ADAMTS12: variants seen among roughly 807,000 people sequenced by gnomAD.
The protein encoded by ADAMTS12 is ADAM metallopeptidase with thrombospondin type 1 motif 12.
Under a neutral mutation model 167.8 loss-of-function variants are expected in ADAMTS12, and 118 were observed. That is an observed-to-expected ratio of 0.70 (90% CI 0.61 to 0.82). The LOEUF (loss-of-function observed/expected upper bound fraction) is 0.82, where lower values mean the gene tolerates loss of function less well. ADAMTS12 is among the 40% of genes least tolerant of loss of function. The pLI, the probability that ADAMTS12 is intolerant of heterozygous loss-of-function variation, is 0.00. For synonymous variants in ADAMTS12, 704 were observed against 716.9 expected (o/e 0.98, Z 0.29); for missense variants, 1,916 against 1,998.8 (o/e 0.96, Z 0.79).
At chr5:33,531,928 G>T (rs1239468885) in intron 23 of ADAMTS12, among the ~76,000 whole-genome samples, 1 of 152,160 alleles carries the variant, frequency 6.6e-6, no homozygotes, top group Non-Finnish European at 1.5e-5. Flanking sequence ...ACTATATTTA[G>T]CAACTCATTT....
At chr5:33,637,369 A>G (rs1186463092) in intron 12 of ADAMTS12, among the ~76,000 whole-genome samples, 1 of 152,220 alleles carries the variant, frequency 6.6e-6, no homozygotes, top group African/African-American at 2.4e-5. Flanking sequence ...ATCTCCCACA[A>G]AGCTCAGACA....
chr5:33,575,494 A>C (rs1295303277), intron 19 of ADAMTS12, among the ~76,000 whole-genome samples: 2 of 152,206 alleles, frequency 1.3e-5, no homozygotes, highest in Non-Finnish European at 2.9e-5. Flanking sequence ...CAGGCTTCCT[A>C]GCTTAGTTCA....
rs772283948 is a variant in ADAMTS12, at chr5:33,576,966, C to G, written c.3060G>C (p.Lys1020Asn). The change falls in exon 19 of 24, where the codon AAG (lysine) becomes AAC (asparagine). Residue 1020 changes from lysine (K) to asparagine (N), a missense_variant. Coordinates refer to ENST00000504830, the MANE Select transcript of ADAMTS12 (RefSeq NM_030955.4). ...GCCTGGATGTAGGTGGAGGGACGGG[C>G]TTTAGTGTTGGTGGGTTTTTTCCAT... ...ISNGKNPPTL[K>N]PVPPPTSRPR... 4 of 1,614,040 alleles carry G rather than the reference C, an allele frequency of 2.5e-6. No homozygotes were observed. Among genetic ancestry groups the G allele is most frequent in the Non-Finnish European group, 3.4e-6 (4 of 1,180,034 alleles).
At chr5:33,655,673 G>T (rs960947290) in intron 7 of ADAMTS12, among the ~76,000 whole-genome samples, 1 of 114,062 alleles carries the variant, frequency 8.8e-6, no homozygotes, top group African/African-American at 3.1e-5. Context: ...TAAGTTCTGG[G>T]ATAATGTGCA....
At chr5:33,641,713 G>A (rs1483610196) in intron 11 of ADAMTS12, 97 bp downstream of exon 11, 2 of 1,205,634 alleles carry the variant, frequency 1.7e-6, no homozygotes, top group Non-Finnish European at 2.2e-6. Flanking sequence ...TTACCTGGAG[G>A]AGGCTTGGGG....
intron 7 of ADAMTS12, among the ~76,000 whole-genome samples, chr5:33,655,628 TATTTAATTTA>T (rs1554032472): frequency 2.0e-4 from 29 of 145,784 alleles, no homozygotes; most frequent in African/African-American, 6.6e-4. Flanking sequence ...TAGTTTTATT[TATTTAATTTA>T]ATTTAATTTA....
intron 2 of ADAMTS12, among the ~76,000 whole-genome samples, chr5:33,845,896 G>A (rs962171113): frequency 4.6e-5 from 7 of 152,162 alleles, no homozygotes; most frequent in African/African-American, 1.7e-4. Context: ...AAGGAAAAGA[G>A]GGAGCAGAGG....
chr5:33,669,547 T>C (rs1285038881), intron 5 of ADAMTS12, among the ~76,000 whole-genome samples: 1 of 152,170 alleles, frequency 6.6e-6, no homozygotes, highest in Non-Finnish European at 1.5e-5. Context: ...TACATCACTA[T>C]ATTTGCACTC....
intron 2 of ADAMTS12, among the ~76,000 whole-genome samples, chr5:33,870,277 T>C (rs1463056813): frequency 6.6e-6 from 1 of 152,168 alleles, no homozygotes; most frequent in South Asian, 2.1e-4. Flanking sequence ...ATTAAGAGAT[T>C]AAAGTAAAGA....
At chr5:33,534,767 G>A (rs772968758) in intron 23 of ADAMTS12, 66 bp downstream of exon 23, 7 of 1,531,102 alleles carry the variant, frequency 4.6e-6, no homozygotes, top group African/African-American at 1.4e-5. Context: ...CTATCTACAA[G>A]TTGTATCATG....
At chr5:33,833,799 A>G (rs572735336) in intron 2 of ADAMTS12, among the ~76,000 whole-genome samples, 1 of 152,366 alleles carries the variant, frequency 6.6e-6, no homozygotes, top group East Asian at 1.9e-4. Context: ...GACTCGGGAA[A>G]TGATTACAAT....
intron 2 of ADAMTS12, among the ~76,000 whole-genome samples, chr5:33,809,967 C>CT (rs1369742512): frequency 8.3e-6 from 1 of 119,980 alleles, no homozygotes; most frequent in Non-Finnish European, 1.7e-5. Context: ...CATTTTAATC[C>CT]TTAAGAAGTT....
intron 3 of ADAMTS12, among the ~76,000 whole-genome samples, chr5:33,727,312 G>C (rs1182299856): frequency 6.6e-6 from 1 of 151,996 alleles, no homozygotes; most frequent in African/African-American, 2.4e-5. Flanking sequence ...TTCAAGAGAG[G>C]GTCCATTGGG....
chr5:33,571,539 T>A (rs1746347453), intron 19 of ADAMTS12, among the ~76,000 whole-genome samples: 1 of 152,158 alleles, frequency 6.6e-6, no homozygotes. Context: ...AGATCTTCTT[T>A]GAAACCAACG....
At chr5:33,649,055 AC>A in intron 8 of ADAMTS12, 89 bp from the exon 9 acceptor site, 1 of 1,503,184 alleles carries the variant, frequency 6.7e-7, no homozygotes, top group Admixed American at 2.0e-5. Context: ...CCTCTGGTTT[AC>A]TCTTTGTCCT....
chr5:33,782,691 T>C (rs1349982445), intron 2 of ADAMTS12, among the ~76,000 whole-genome samples: 1 of 151,914 alleles, frequency 6.6e-6, no homozygotes, highest in East Asian at 1.9e-4. Context: ...AGAGAAAAAT[T>C]GAGACATTTC....
intron 2 of ADAMTS12, among the ~76,000 whole-genome samples, chr5:33,771,692 A>C (rs1383989283): frequency 6.6e-6 from 1 of 152,056 alleles, no homozygotes; most frequent in Non-Finnish European, 1.5e-5. Context: ...ACACATAGAA[A>C]TGGTTAAGAT....
chr5:33,605,128 G>A (rs1426513823), intron 16 of ADAMTS12, among the ~76,000 whole-genome samples: 1 of 152,132 alleles, frequency 6.6e-6, no homozygotes, highest in Non-Finnish European at 1.5e-5. Context: ...CTTACCCAAC[G>A]GAGCACAGAG....
At chr5:33,745,760 A>G (rs1348476770) in intron 3 of ADAMTS12, among the ~76,000 whole-genome samples, 5 of 152,168 alleles carry the variant, frequency 3.3e-5, no homozygotes, top group Admixed American at 3.3e-4. Context: ...AAAAAAACTG[A>G]GTATCTCAGA....
Sources: gnomAD v4.1 joint callset for allele counts (sites outside exome capture counted in the v4.1 genomes callset) on GRCh38, gnomAD v4.1.1 for gene constraint, MANE v1.5 for transcripts, NCBI Gene and HGNC (gene_info 2026-07-23, HGNC 2026-07-21) for gene names.